Variants in SLC19A3 observed in about 807,000 individuals in gnomAD.
SLC19A3 encodes the protein thiamine transporter 2.
In SLC19A3, 31 loss-of-function variants were observed where a neutral mutation model predicts 40.2. The ratio of observed to expected loss-of-function variants is 0.77; its 90% confidence interval spans 0.58 to 1.04. SLC19A3 has a LOEUF of 1.04. SLC19A3 is among the 50% of genes least tolerant of loss of function. The pLI is 0.00. For synonymous variants in SLC19A3, 212 were observed against 227.5 expected (o/e 0.93, Z 0.61); for missense variants, 592 against 596.7 (o/e 0.99, Z 0.08).
At chr2:227,714,263 A>G (rs1429478029) in intron 1 of SLC19A3, among the ~76,000 whole-genome samples, 4 of 152,212 alleles carry the variant, frequency 2.6e-5, no homozygotes, top group Admixed American at 1.3e-4. Context: ...TCCGTATAAT[A>G]GGAAAACTGA....
At chr2:227,694,696 C>T (rs1358702268) in intron 4 of SLC19A3, among the ~76,000 whole-genome samples, 1 of 152,114 alleles carries the variant, frequency 6.6e-6, no homozygotes, top group Non-Finnish European at 1.5e-5. Flanking sequence ...AAAGAGATCT[C>T]TGAGAAAAAA....
At chr2:227,711,384 CA>C (rs1696129800) in intron 1 of SLC19A3, among the ~76,000 whole-genome samples, 1 of 150,678 alleles carries the variant, frequency 6.6e-6, no homozygotes, top group Admixed American at 6.6e-5. Context: ...AGTGCCACTG[CA>C]TTGTGGCCTG....
At chr2:227,693,287 C>CA (rs1179284438) in intron 4 of SLC19A3, among the ~76,000 whole-genome samples, 17 of 151,442 alleles carry the variant, frequency 1.1e-4, no homozygotes, top group Middle Eastern at 3.4e-3. Context: ...ACAACAACAA[C>CA]AACAAAAAAC....
At chr2:227,698,038 C>T (rs1695510199) in intron 3 of SLC19A3, among the ~76,000 whole-genome samples, 1 of 152,088 alleles carries the variant, frequency 6.6e-6, no homozygotes, top group Non-Finnish European at 1.5e-5. Flanking sequence ...GAGATCGCAC[C>T]ACTGCATTCC....
rs1306871349 is a variant in SLC19A3 at position 227,715,240 on chromosome 2, CA to C, written c.-3+2702del. 2.7e-5 allele frequency among the ~76,000 whole-genome samples: 4 copies of C among 147,606 alleles called. No individual in the cohort carries two copies. In the East Asian group the frequency reaches 7.8e-4, roughly 29 times the overall value. On this transcript the variant is annotated intron_variant, in intron 1 of 5. Transcript: ENST00000644224. The stretch of plus-strand genomic sequence containing the variant: ...ATCACCCATCTATAATCCTTTATGT[CA>C]AACCCCACACCCCCCCCAAAAAAAA...
intron 5 of SLC19A3, among the ~76,000 whole-genome samples, chr2:227,687,957 G>A (rs946683562): frequency 1.3e-5 from 2 of 152,156 alleles, no homozygotes; most frequent in Non-Finnish European, 2.9e-5. Context: ...AAGCATTGAG[G>A]TTACTTCTTA....
In SLC19A3 at chr2:227,698,821, A is replaced by G. The variant is rs1474448985; in HGVS notation, c.894T>C (p.Tyr298=). The G allele has an allele frequency of 6.2e-7, 1 of 1,614,108 alleles. No individual in the cohort carries two copies. Among genetic ancestry groups the G allele is most frequent in the Non-Finnish European group, 8.5e-7 (1 of 1,180,040 alleles). The stretch of plus-strand genomic sequence containing the variant: ...CCTTGTAATCCCACAGGATTTGAAC[A>G]TAGTTCAAAACCTGGTTAAAACCTG... The part of the protein sequence containing the change: ...ATAGFNQVLN[Y]VQILWDYKAP... Residue 298 remains tyrosine, a synonymous_variant, in exon 3 of 6, where the codon TAT becomes TAC. Transcript: ENST00000644224.
intron 1 of SLC19A3, chr2:227,714,401 A>C: frequency 1.0e-6 from 1 of 983,300 alleles, no homozygotes; most frequent in South Asian, 4.7e-5. Context: ...GTTAATACAG[A>C]TAGAATCTGA....
intron 1 of SLC19A3, among the ~76,000 whole-genome samples, chr2:227,705,694 C>T (rs1695904290): frequency 6.6e-6 from 1 of 151,960 alleles, no homozygotes; most frequent in Non-Finnish European, 1.5e-5. Context: ...ATGGGGCGAA[C>T]AACATGCCCT....
chr2:227,711,505 TTGTATTCTGGC>T (rs1696138961), intron 1 of SLC19A3, among the ~76,000 whole-genome samples: 1 of 152,096 alleles, frequency 6.6e-6, no homozygotes. Flanking sequence ...TAGGGAGTTA[TTGTATTCTGGC>T]TGTAACTTCA....
chr2:227,695,910 A>G lies in SLC19A3; in HGVS notation c.1151T>C (p.Met384Thr). 1.2e-6 allele frequency: 2 copies of G among 1,614,224 alleles called. No homozygotes were observed. The highest frequency in any genetic ancestry group is 1.1e-5 in the South Asian group (1 of 91,086). ...TTACACTGCTATGGTTATAAGAAGC[A>G]TATAGCTGGACTTGAATATCAAATA... ...AGYLIFKSSYMLLITIAVFQI... is the reference protein window; with the variant it reads ...AGYLIFKSSYTLLITIAVFQI... The change falls in exon 4 of 6, where the codon ATG (methionine) becomes ACG (threonine). Residue 384 changes from methionine (M) to threonine (T), a missense_variant. Met to Thr is a moderately conservative substitution (Grantham distance 81). Coordinates refer to ENST00000644224, the MANE Select transcript of SLC19A3 (RefSeq NM_025243.4).
At chr2:227,715,833 C>T (rs1274343063) in intron 1 of SLC19A3, among the ~76,000 whole-genome samples, 1 of 151,318 alleles carries the variant, frequency 6.6e-6, no homozygotes, top group African/African-American at 2.4e-5. Flanking sequence ...GCCTATAGTG[C>T]CAGGTAGTTG....
At chr2:227,714,682 G>A (rs71431069) in intron 1 of SLC19A3, 106,525 of 537,664 alleles carry the variant, frequency 0.2, 11,682 homozygotes, top group South Asian at 0.38. Flanking sequence ...TTCTGCAGCC[G>A]ATGACATTTG....
In SLC19A3 at chr2:227,696,316, C is replaced by T. The variant is rs78560438; in HGVS notation, c.980-235G>A. Among the ~76,000 whole-genome samples, 6,395 of 152,260 alleles carry T rather than the reference C, an allele frequency of 0.042. 453 individuals carry two copies. The highest frequency in any genetic ancestry group is 0.15 in the African/African-American group (6,028 of 41,518). On this transcript the variant is annotated intron_variant, in intron 3 of 5. Coordinates refer to ENST00000644224, the MANE Select transcript of SLC19A3 (RefSeq NM_025243.4). Reference sequence around the variant, plus strand: ...ACTTAGTCACCATACTTTTAATTAGCATCAACTACACGCCAGACACTGTAT... The same window carrying T: ...ACTTAGTCACCATACTTTTAATTAGTATCAACTACACGCCAGACACTGTAT...
chr2:227,695,788 T>C, intron 4 of SLC19A3, 101 bp downstream of exon 4: 1 of 1,166,658 alleles, frequency 8.6e-7, no homozygotes, highest in Non-Finnish European at 1.3e-6. Flanking sequence ...ACATTTAATA[T>C]TGCAATTGAC....
At position 227,693,873 on chromosome 2, in the gene SLC19A3, A is replaced by G. The variant is rs946100609; in HGVS notation, c.1172+2016T>C. ...ATATAAGGAGTTCAAACAACTCTAC[A>G]GGGAAAAAAAGTCTAATAATCAGAT... On this transcript the variant is annotated intron_variant, in intron 4 of 5. Coordinates refer to ENST00000644224, the MANE Select transcript of SLC19A3 (RefSeq NM_025243.4). Among the ~76,000 whole-genome samples the G allele has an allele frequency of 6.6e-5, 10 of 152,198 alleles. 1 individual carries two copies. The highest frequency in any genetic ancestry group is 6.5e-4 in the Admixed American group (10 of 15,284).
intron 1 of SLC19A3, among the ~76,000 whole-genome samples, chr2:227,715,110 G>A (rs1206610001): frequency 5.9e-5 from 9 of 151,868 alleles, no homozygotes; most frequent in Admixed American, 3.9e-4. Flanking sequence ...GTGAGCCGCC[G>A]TGCCTGGCCT....
chr2:227,686,693 C>T lies in SLC19A3; in HGVS notation c.*704G>A, dbSNP rs147551063. ...CTCTCCCAGGCCACTGGGAAATGAC[C>T]TTGTGTATTCTGCAAATACACAAGA... is the stretch of plus-strand genomic sequence containing the variant. On this transcript the variant is annotated 3_prime_UTR_variant, in exon 6 of 6. Coordinates refer to ENST00000644224, the MANE Select transcript of SLC19A3 (RefSeq NM_025243.4). The T allele has an allele frequency of 6.6e-6, 1 of 152,166 alleles. No individual in the cohort carries two copies. The highest frequency in any genetic ancestry group is 1.5e-5 in the Non-Finnish European group (1 of 68,048). 9.4% of individuals were successfully genotyped at this position (152,166 alleles called of 1,614,324 possible). A position where few individuals can be genotyped will look rare whatever the true frequency, so the allele number is the denominator to read the frequency against.
At chr2:227,711,906 C>G (rs1255043077) in intron 1 of SLC19A3, among the ~76,000 whole-genome samples, 1 of 151,840 alleles carries the variant, frequency 6.6e-6, no homozygotes, top group Non-Finnish European at 1.5e-5. Context: ...AAAAATTACC[C>G]AGGCGTGGTG....
Sources: allele counts gnomAD v4.1 joint callset (sites outside exome capture counted in the v4.1 genomes callset), GRCh38; gene constraint gnomAD v4.1.1; transcripts MANE v1.5; gene names NCBI Gene and HGNC (gene_info 2026-07-23, HGNC 2026-07-21).